CACNA1C: variants seen among roughly 807,000 people sequenced by gnomAD.
CACNA1C encodes calcium voltage-gated channel subunit alpha1 C.
In CACNA1C, 30 loss-of-function variants were observed where a neutral mutation model predicts 229.0. That is an observed-to-expected ratio of 0.13 (90% CI 0.10 to 0.18). CACNA1C has a LOEUF of 0.18. Ranked by LOEUF, CACNA1C falls within the 10% of genes least tolerant of loss-of-function variation. The pLI, the probability that CACNA1C is intolerant of heterozygous loss-of-function variation, is 1.00. For missense variants in CACNA1C, 1,658 were observed against 2,845.0 expected (o/e 0.58, Z 9.49); for synonymous variants, 1,114 against 1,132.5 (o/e 0.98, Z 0.33).
At chr12:2,519,452 A>G (rs150936275) in intron 9 of CACNA1C, among the ~76,000 whole-genome samples, 1 of 152,308 alleles carries the variant, frequency 6.6e-6, no homozygotes, top group East Asian at 1.9e-4. Context: ...ATCACCGATG[A>G]CATCCTTTCA....
At chr12:2,283,022 T>TC in intron 3 of CACNA1C, among the ~76,000 whole-genome samples, 1 of 129,334 alleles carries the variant, frequency 7.7e-6, no homozygotes, top group East Asian at 2.0e-4. Flanking sequence ...CTCTGGCCCT[T>TC]TTTTTTTTTT....
chr12:2,627,583 G>A (rs535554143), intron 29 of CACNA1C, among the ~76,000 whole-genome samples: 31 of 152,172 alleles, frequency 2.0e-4, no homozygotes, highest in African/African-American at 6.7e-4. Context: ...CCTGCCTGGC[G>A]CACCTGTGCT....
chr12:2,633,857 T>A lies in CACNA1C; in HGVS notation c.3829-440T>A. 1.6e-6 allele frequency: 1 copy of A among 615,862 alleles called. No individual in the cohort carries two copies. The allele number at this position is 615,862 out of a possible 1,614,324, so 38.1% of individuals were successfully genotyped here. On this transcript the variant is annotated intron_variant, in intron 29 of 46. Coordinates refer to ENST00000399655, the MANE Select transcript of CACNA1C (RefSeq NM_000719.7). This position sits in a 1 kb window ranked among gnomAD's most constrained non-coding sequence, Gnocchi z 5.8. Reference sequence around the variant, plus strand: ...TTTACCCGCCTCCAGTCATGCCTTTTATTGAACCTGCCGTCGTCCTGTGGG... The same window carrying A: ...TTTACCCGCCTCCAGTCATGCCTTTAATTGAACCTGCCGTCGTCCTGTGGG...
chr12:2,242,244 G>A lies in CACNA1C; in HGVS notation c.477+121814G>A, dbSNP rs568827126. ...ACTTAAATCTTGCTGAAATAAGCAAGAAAGGTACACAGGTGCAGGAGGAGT... is the reference window on the plus strand; with the variant it reads ...ACTTAAATCTTGCTGAAATAAGCAAAAAAGGTACACAGGTGCAGGAGGAGT... On this transcript the variant is annotated intron_variant, in intron 3 of 46. Coordinates refer to ENST00000399655, the MANE Select transcript of CACNA1C (RefSeq NM_000719.7). Among the ~76,000 whole-genome samples, 5 of 152,340 alleles carry A rather than the reference G, an allele frequency of 3.3e-5. No individual in the cohort carries two copies. The East Asian group carries it at 9.6e-4, about 29-fold the overall frequency.
chr12:1,973,665 C>T (rs1013290610), intron 1 of CACNA1C, among the ~76,000 whole-genome samples: 5 of 152,086 alleles, frequency 3.3e-5, no homozygotes, highest in African/African-American at 9.7e-5. Flanking sequence ...TCTTTTTCAT[C>T]GTATACTAAT....
chr12:2,552,810 T>C (rs1159165224), intron 10 of CACNA1C, among the ~76,000 whole-genome samples: 1 of 152,090 alleles, frequency 6.6e-6, no homozygotes, highest in Non-Finnish European at 1.5e-5. Context: ...GAGTGCTCAC[T>C]CAGGCAGTGA....
chr12:2,121,151 G>A (rs2086526179), intron 3 of CACNA1C, among the ~76,000 whole-genome samples: 1 of 152,182 alleles, frequency 6.6e-6, no homozygotes, highest in South Asian at 2.1e-4. Context: ...TCTGCAAAAG[G>A]CATGCAGGGA....
chr12:2,107,314 GGGTTTCC>G (rs2079443371), intron 1 of CACNA1C, among the ~76,000 whole-genome samples: 2 of 136,402 alleles, frequency 1.5e-5, no homozygotes, highest in African/African-American at 2.8e-5. Context: ...ACCCTGGAGA[GGGTTTCC>G]ACCTCAGCTG....
chr12:2,255,268 G>GA (rs746929189), intron 3 of CACNA1C, among the ~76,000 whole-genome samples: 2,719 of 95,470 alleles, frequency 0.028, 46 homozygotes, highest in African/African-American at 0.048. Flanking sequence ...TTCTGCTGCA[G>GA]AAAAAAAAAA....
chr12:2,110,514 C>T (rs2081235912), intron 1 of CACNA1C, among the ~76,000 whole-genome samples: 1 of 152,194 alleles, frequency 6.6e-6, no homozygotes, highest in African/African-American at 2.4e-5. Flanking sequence ...TTTGAATCAG[C>T]TTTATAATTT....
chr12:2,583,577 C>A (rs1292603193), intron 15 of CACNA1C, among the ~76,000 whole-genome samples: 2 of 152,204 alleles, frequency 1.3e-5, no homozygotes. Flanking sequence ...AGCTCTGGGC[C>A]AAGTCCCAGC....
chr12:2,067,481 T>TGCGCGC lies in CACNA1C; in HGVS notation c.49+13872_49+13877dup, dbSNP rs144122965. 5.2e-4 allele frequency among the ~76,000 whole-genome samples: 73 copies of TGCGCGC among 140,892 alleles called. No homozygotes were observed. The highest frequency in any genetic ancestry group is 3.7e-3 in the Middle Eastern group (1 of 270). 92.4% of individuals were successfully genotyped at this position (140,892 alleles called of 152,430 possible). ...GTGTGTGTGTGTGTGTGTGTGTGTG[T>TGCGCGC]GCGCGCGTGTGCGTGCCTGTATGTA... On this transcript the variant is annotated intron_variant, in intron 1 of 46. Transcript: ENST00000399655. The surrounding 1 kb of genome is among the most constrained non-coding windows in gnomAD (Gnocchi z 5.3).
chr12:2,061,301 A>G (rs1360121204), intron 1 of CACNA1C, among the ~76,000 whole-genome samples: 1 of 152,232 alleles, frequency 6.6e-6, no homozygotes, highest in South Asian at 2.1e-4. Context: ...AAGCAACGCC[A>G]TGAAGTAACA....
intron 3 of CACNA1C, among the ~76,000 whole-genome samples, chr12:2,124,108 TCGTGTGTGTGTG>T (rs1395144544): frequency 2.4e-5 from 2 of 84,252 alleles, no homozygotes; most frequent in African/African-American, 9.2e-5. Context: ...CTGGTCTAGC[TCGTGTGTGTGTG>T]TGTGTGTGTG....
At chr12:2,096,812 T>C (rs912240115) in intron 1 of CACNA1C, among the ~76,000 whole-genome samples, 1 of 152,238 alleles carries the variant, frequency 6.6e-6, no homozygotes, top group Non-Finnish European at 1.5e-5. Flanking sequence ...GTACCTCATA[T>C]AAGTAGAATT....
chr12:2,279,744 AT>A (rs1437310500), intron 3 of CACNA1C, among the ~76,000 whole-genome samples: 2 of 152,390 alleles, frequency 1.3e-5, no homozygotes, highest in African/African-American at 4.8e-5. Flanking sequence ...TATAACAAAA[AT>A]AATGCAAATG....
chr12:2,085,304 A>G (rs74974933), intron 1 of CACNA1C, among the ~76,000 whole-genome samples: 168 of 152,344 alleles, frequency 1.1e-3, no homozygotes, highest in African/African-American at 3.8e-3. Flanking sequence ...TCCATTATTG[A>G]ACCACCATTG....
intron 5 of CACNA1C, among the ~76,000 whole-genome samples, chr12:2,480,536 T>TTG (rs1172151333): frequency 6.6e-6 from 1 of 152,240 alleles, no homozygotes; most frequent in Non-Finnish European, 1.5e-5. Flanking sequence ...TTCCCATCTC[T>TTG]AGCACGCAAG....
At chr12:2,335,674 C>G (rs1181938187) in intron 3 of CACNA1C, among the ~76,000 whole-genome samples, 2 of 152,152 alleles carry the variant, frequency 1.3e-5, no homozygotes, top group African/African-American at 4.8e-5. Context: ...GACCGGCCCT[C>G]CCTTTGAGTG....
Sources: allele counts gnomAD v4.1 joint callset (sites outside exome capture counted in the v4.1 genomes callset), GRCh38; gene constraint gnomAD v4.1.1; non-coding constraint Gnocchi (gnomAD v3.1); transcripts MANE v1.5; gene names NCBI Gene and HGNC (gene_info 2026-07-23, HGNC 2026-07-21).